The following PPP1R12A variants were observed in gnomAD, a reference collection of about 807,000 sequenced individuals.
PPP1R12A encodes the protein protein phosphatase 1 regulatory subunit 12A.
PPP1R12A carries 19 observed loss-of-function variants against 139.6 expected under a neutral mutation model. That is an observed-to-expected ratio of 0.14 (90% CI 0.09 to 0.20). The LOEUF (loss-of-function observed/expected upper bound fraction) is 0.20, where lower values mean the gene tolerates loss of function less well. Among genes scored for constraint, PPP1R12A ranks in the 10% least tolerant of loss-of-function variants. PPP1R12A has a pLI of 1.00. For synonymous variants in PPP1R12A, 427 were observed against 420.6 expected, an observed-to-expected ratio of 1.02 and a Z score of -0.19; for missense variants, 925 against 1,211.5, an observed-to-expected ratio of 0.76 and a Z score of 3.51.
chr12:79,816,457 TA>T (rs997546678), intron 9 of PPP1R12A, among the ~76,000 whole-genome samples: 3 of 151,028 alleles, frequency 2.0e-5, no homozygotes, highest in Non-Finnish European at 3.0e-5. Context: ...TAAAAAAAGA[TA>T]AAAAAAAGGA....
intron 22 of PPP1R12A, 106 bp downstream of exon 22, chr12:79,786,268 T>C (rs1461076343): frequency 1.6e-6 from 1 of 641,080 alleles, no homozygotes; most frequent in Non-Finnish European, 2.6e-6. Flanking sequence ...CTATTACCAA[T>C]TATCAAACTT....
At chr12:79,786,614 T>C in intron 21 of PPP1R12A, 136 bp from the exon 22 acceptor site, 1 of 542,636 alleles carries the variant, frequency 1.8e-6, no homozygotes, top group Non-Finnish European at 3.1e-6. Flanking sequence ...AAAAAATCCT[T>C]CATGGTTGCA....
intron 24 of PPP1R12A, chr12:79,777,620 C>CA: frequency 5.1e-6 from 5 of 985,208 alleles, no homozygotes; most frequent in Non-Finnish European, 6.0e-6. Flanking sequence ...TTAACTCCCT[C>CA]AGAGATTGAA....
intron 14 of PPP1R12A, among the ~76,000 whole-genome samples, chr12:79,799,602 T>C (rs539767545): frequency 2.0e-5 from 3 of 152,320 alleles, no homozygotes; most frequent in South Asian, 4.1e-4. Context: ...GATTTTCTGA[T>C]ATAAAGAACA....
At position 79,797,236 on chromosome 12, in the gene PPP1R12A, C is replaced by T. The variant is rs1171859560; in HGVS notation, c.2251G>A (p.Glu751Lys). 1.3e-6 allele frequency: 2 copies of T among 1,589,942 alleles called. No homozygotes were observed. The highest frequency in any genetic ancestry group is 1.7e-6 in the Non-Finnish European group (2 of 1,167,542). Reference sequence around the variant, plus strand: ...GAGTACTTTTGTTTATATTCATCTTCTCTAGATGTTTCTGACTCCTTCTTT... The same window carrying T: ...GAGTACTTTTGTTTATATTCATCTTTTCTAGATGTTTCTGACTCCTTCTTT... ...EEKKESETSR[E>K]DEYKQKYSRT... Residue 751 changes from glutamate to lysine, a missense_variant, in exon 16 of 25, where the codon GAA (glutamate) becomes AAA (lysine). Glu to Lys is a moderately conservative substitution (Grantham distance 56). This residue lies in a region of PPP1R12A where 315 missense variants were observed against 363.4 expected (regional missense o/e 0.87). Transcript: ENST00000450142.
chr12:79,794,580 TA>T (rs201224073), intron 18 of PPP1R12A, among the ~76,000 whole-genome samples: 10 of 151,596 alleles, frequency 6.6e-5, no homozygotes, highest in Middle Eastern at 3.4e-3. Flanking sequence ...TGTTGTTTAT[TA>T]AAAAAAACAC....
intron 5 of PPP1R12A, among the ~76,000 whole-genome samples, chr12:79,823,137 G>C (rs1876333751): frequency 6.6e-6 from 1 of 152,070 alleles, no homozygotes; most frequent in South Asian, 2.1e-4. Flanking sequence ...ATTTCAAAGA[G>C]CTGCTGACTA....
rs760216755 is a variant in PPP1R12A at position 79,778,612 on chromosome 12, T to A, written c.2956-12A>T. On this transcript the variant is annotated splice_polypyrimidine_tract_variant and intron_variant, in intron 23 of 24. Coordinates refer to ENST00000450142, the MANE Select transcript of PPP1R12A (RefSeq NM_002480.3). ...AGAGCTCTTCGTTCCTAGATCGATT[T>A]AAGGTACCAATGTTAGTTATATAAT... 1.9e-5 allele frequency: 29 copies of A among 1,501,690 alleles called. No individual in the cohort carries two copies. The highest frequency in any genetic ancestry group is 2.4e-5 in the Non-Finnish European group (27 of 1,113,600). The allele number at this position is 1,501,690 out of a possible 1,614,324, so 93.0% of individuals were successfully genotyped here. A position where few individuals can be genotyped will look rare whatever the true frequency, so the allele number is the denominator to read the frequency against.
intron 5 of PPP1R12A, among the ~76,000 whole-genome samples, chr12:79,827,783 T>C (rs1876969150): frequency 6.6e-6 from 1 of 152,148 alleles, no homozygotes; most frequent in African/African-American, 2.4e-5. Flanking sequence ...TCTACAAAAC[T>C]AGAAGACTAG....
Position 79,809,830 on chromosome 12 carries a change from G to A in PPP1R12A, c.1420C>T (p.Pro474Ser). ...TAGVTRSASS[P>S]RLSSSLDNKE... ...TTATCCAAAGAGGAGGAAAGTCTGG[G>A]ACTTGAAGCTGAACGTGTAACACCT... is the stretch of plus-strand genomic sequence containing the variant. Residue 474 changes from proline to serine, a missense_variant, in exon 10 of 25, where the codon CCC becomes TCC. Around this residue, in one of 4 missense-constraint regions of PPP1R12A, gnomAD observed 403 missense variants for 463.7 expected, o/e 0.87. Transcript: ENST00000450142. The A allele has an allele frequency of 6.2e-7, 1 of 1,613,346 alleles. No individual in the cohort carries two copies. Among genetic ancestry groups the A allele is most frequent in the Non-Finnish European group, 8.5e-7 (1 of 1,179,554 alleles).
At chr12:79,904,943 TA>T (rs1181434417) in intron 1 of PPP1R12A, among the ~76,000 whole-genome samples, 1 of 152,124 alleles carries the variant, frequency 6.6e-6, no homozygotes, top group African/African-American at 2.4e-5. Flanking sequence ...CACACAAAGG[TA>T]AATTCAAATA....
At chr12:79,869,971 T>G (rs1882398754) in intron 2 of PPP1R12A, among the ~76,000 whole-genome samples, 1 of 151,506 alleles carries the variant, frequency 6.6e-6, no homozygotes, top group South Asian at 2.1e-4. Flanking sequence ...AACACTGATC[T>G]GTGGACTATC....
chr12:79,868,806 T>C (rs1171891357), intron 2 of PPP1R12A, among the ~76,000 whole-genome samples: 2 of 151,076 alleles, frequency 1.3e-5, no homozygotes, highest in Admixed American at 6.6e-5. Flanking sequence ...TGGGTGACAC[T>C]ATTCTGCCCA....
At chr12:79,918,206 T>A (rs943897667) in intron 1 of PPP1R12A, among the ~76,000 whole-genome samples, 2 of 152,038 alleles carry the variant, frequency 1.3e-5, no homozygotes, top group African/African-American at 4.8e-5. Context: ...GTTTTTTCTG[T>A]ATGTTCATAA....
chr12:79,849,622 C>G (rs1879814552), intron 2 of PPP1R12A, among the ~76,000 whole-genome samples: 1 of 152,012 alleles, frequency 6.6e-6, no homozygotes, highest in African/African-American at 2.4e-5. Flanking sequence ...AACAAACAAA[C>G]AAACAAAAAA....
At chr12:79,823,057 T>C (rs1021064955) in intron 5 of PPP1R12A, among the ~76,000 whole-genome samples, 7 of 152,166 alleles carry the variant, frequency 4.6e-5, no homozygotes, top group Non-Finnish European at 1.0e-4. Context: ...GCCACAGGTA[T>C]GGCTTAATTT....
intron 2 of PPP1R12A, among the ~76,000 whole-genome samples, chr12:79,858,608 A>G (rs1880957024): frequency 6.6e-6 from 1 of 152,186 alleles, no homozygotes; most frequent in Non-Finnish European, 1.5e-5. Context: ...CTATACTATA[A>G]TATTTCTTGC....
chr12:79,836,071 C>T (rs968533699), intron 3 of PPP1R12A, among the ~76,000 whole-genome samples: 1 of 152,256 alleles, frequency 6.6e-6, no homozygotes, highest in East Asian at 1.9e-4. Flanking sequence ...TATCTCATTA[C>T]CGCATTTGAA....
chr12:79,835,725 A>C (rs909531655), intron 3 of PPP1R12A, among the ~76,000 whole-genome samples: 1 of 152,224 alleles, frequency 6.6e-6, no homozygotes, highest in Non-Finnish European at 1.5e-5. Flanking sequence ...TTAGTATACA[A>C]GAGAAAGCCT....
Sources: allele counts gnomAD v4.1 joint callset (sites outside exome capture counted in the v4.1 genomes callset), GRCh38; gene constraint gnomAD v4.1.1; regional missense constraint gnomAD v4.1.1; transcripts MANE v1.5; gene names NCBI Gene and HGNC (gene_info 2026-07-23, HGNC 2026-07-21).